Variants in CRPPA observed in about 807,000 individuals in gnomAD.
The protein encoded by CRPPA is D-ribitol-5-phosphate cytidylyltransferase.
In CRPPA, 43 loss-of-function variants were observed where a neutral mutation model predicts 52.0. The observed-to-expected ratio is 0.83, with a 90% CI of 0.65 to 1.07. CRPPA has a LOEUF of 1.07. CRPPA is among the 50% of genes least tolerant of loss of function. The pLI is 0.00. For synonymous variants in CRPPA, 250 were observed against 203.5 expected (o/e 1.23, Z -1.94); for missense variants, 629 against 551.7 (o/e 1.14, Z -1.40).
chr7:16,227,328 G>A (rs1475348484), intron 8 of CRPPA, among the ~76,000 whole-genome samples: 1 of 151,602 alleles, frequency 6.6e-6, no homozygotes, highest in African/African-American at 2.4e-5. Context: ...TTCTATAATG[G>A]CTGTGGTAAT....
At chr7:16,277,534 A>T (rs773458483) in intron 6 of CRPPA, among the ~76,000 whole-genome samples, 8 of 152,224 alleles carry the variant, frequency 5.3e-5, no homozygotes, top group Admixed American at 1.3e-4. Flanking sequence ...TACAAAAATA[A>T]GTGTGGCAAA....
At chr7:16,395,478 C>A (rs547164378) in intron 2 of CRPPA, among the ~76,000 whole-genome samples, 1 of 152,136 alleles carries the variant, frequency 6.6e-6, no homozygotes, top group African/African-American at 2.4e-5. Flanking sequence ...GTTTGCAGAA[C>A]GGCATCTCTA....
chr7:16,296,760 G>T (rs1248362774), intron 5 of CRPPA, among the ~76,000 whole-genome samples: 5 of 152,022 alleles, frequency 3.3e-5, no homozygotes, highest in African/African-American at 7.2e-5. Flanking sequence ...ATTTTGATTT[G>T]GAATTTTATT....
intron 8 of CRPPA, among the ~76,000 whole-genome samples, chr7:16,255,688 G>A (rs149758624): frequency 6.6e-6 from 1 of 151,996 alleles, no homozygotes; most frequent in Non-Finnish European, 1.5e-5. Flanking sequence ...AACAAGCAAC[G>A]AGGAAAGGAT....
chr7:16,236,725 T>G (rs1782960647), intron 8 of CRPPA, among the ~76,000 whole-genome samples: 1 of 152,168 alleles, frequency 6.6e-6, no homozygotes, highest in African/African-American at 2.4e-5. Flanking sequence ...GGTTTTTTTC[T>G]GTTTTTATTT....
intron 9 of CRPPA, among the ~76,000 whole-genome samples, chr7:16,172,943 T>C (rs1345964135): frequency 6.6e-6 from 1 of 152,234 alleles, no homozygotes; most frequent in Non-Finnish European, 1.5e-5. Context: ...CCATGAAACA[T>C]ACTTTGTTTT....
At chr7:16,096,133 G>A (rs1363079403) in intron 9 of CRPPA, among the ~76,000 whole-genome samples, 2 of 152,102 alleles carry the variant, frequency 1.3e-5, no homozygotes, top group Non-Finnish European at 2.9e-5. Context: ...GGATCAAATT[G>A]ATTCAGCAAT....
chr7:16,142,006 T>C (rs1277490504), intron 9 of CRPPA, among the ~76,000 whole-genome samples: 1 of 152,036 alleles, frequency 6.6e-6, no homozygotes, highest in African/African-American at 2.4e-5. Flanking sequence ...CACCTTTCTC[T>C]TTAAGAAAAC....
At chr7:16,420,154 GC>G (rs1788291624) in intron 1 of CRPPA, among the ~76,000 whole-genome samples, 1 of 152,174 alleles carries the variant, frequency 6.6e-6, no homozygotes, top group Admixed American at 6.5e-5. Context: ...AAAACCTCCT[GC>G]AAAGGCAATG....
chr7:16,176,142 C>T (rs760693917), intron 9 of CRPPA, among the ~76,000 whole-genome samples: 4 of 152,012 alleles, frequency 2.6e-5, no homozygotes, highest in Admixed American at 2.0e-4. Flanking sequence ...ACCTTAAATC[C>T]GACTGCCCTT....
At chr7:16,186,383 G>A (rs891543039) in intron 9 of CRPPA, among the ~76,000 whole-genome samples, 10 of 152,270 alleles carry the variant, frequency 6.6e-5, no homozygotes, top group South Asian at 2.1e-4. Flanking sequence ...CGCCACGTGC[G>A]TGTACAAGAA....
intron 2 of CRPPA, among the ~76,000 whole-genome samples, chr7:16,393,764 A>ATT (rs774506493): frequency 6.6e-6 from 1 of 152,156 alleles, no homozygotes; most frequent in Admixed American, 6.5e-5. Flanking sequence ...ACACATTGTG[A>ATT]TTTTTTTAAG....
chr7:16,102,126 A>G (rs1342407007), intron 9 of CRPPA, among the ~76,000 whole-genome samples: 1 of 152,190 alleles, frequency 6.6e-6, no homozygotes, highest in Admixed American at 6.5e-5. Context: ...CCAATGGAAC[A>G]AAACAGAGAC....
chr7:16,278,885 C>G (rs550178731), intron 5 of CRPPA, among the ~76,000 whole-genome samples: 2 of 152,214 alleles, frequency 1.3e-5, no homozygotes, highest in Non-Finnish European at 2.9e-5. Flanking sequence ...AAGTCCTCCT[C>G]TATAGCAGGC....
At chr7:16,375,969 T>C (rs1268237060) in intron 3 of CRPPA, 123 bp downstream of exon 3, 2 of 900,786 alleles carry the variant, frequency 2.2e-6, no homozygotes, top group African/African-American at 1.7e-5. Flanking sequence ...TTCATTGTAA[T>C]AAGTCTTAGC....
At chr7:16,333,277 G>T (rs559138666) in intron 3 of CRPPA, among the ~76,000 whole-genome samples, 22 of 152,218 alleles carry the variant, frequency 1.4e-4, no homozygotes, top group Non-Finnish European at 2.5e-4. Context: ...GAATAGAATT[G>T]ATATCTATTG....
At chr7:16,226,524 C>G (rs1046182613) in intron 8 of CRPPA, among the ~76,000 whole-genome samples, 2 of 151,796 alleles carry the variant, frequency 1.3e-5, no homozygotes, top group African/African-American at 2.4e-5. Flanking sequence ...TACAAGTGCA[C>G]TGTACACTTG....
At chr7:16,315,944 ATG>A (rs952953989) in intron 3 of CRPPA, among the ~76,000 whole-genome samples, 44 of 151,444 alleles carry the variant, frequency 2.9e-4, no homozygotes, top group African/African-American at 1.1e-3. Flanking sequence ...TCTGAAAGAT[ATG>A]AAAAGTTTAT....
At chr7:16,125,792 C>G (rs962049395) in intron 9 of CRPPA, among the ~76,000 whole-genome samples, 2 of 151,606 alleles carry the variant, frequency 1.3e-5, no homozygotes, top group African/African-American at 4.9e-5. Context: ...GAAGCTCGAT[C>G]AAGATGGTAA....
Sources: gnomAD v4.1 joint callset for allele counts (sites outside exome capture counted in the v4.1 genomes callset) on GRCh38, gnomAD v4.1.1 for gene constraint, MANE v1.5 for transcripts, NCBI Gene and HGNC (gene_info 2026-07-23, HGNC 2026-07-21) for gene names.